Variants in ADGRE1 observed in about 807,000 individuals in gnomAD.
The protein encoded by ADGRE1 is EGF-like module receptor 1.
In ADGRE1, 82 loss-of-function variants were observed where a neutral mutation model predicts 102.7. The observed-to-expected ratio is 0.80, with a 90% CI of 0.67 to 0.96. The LOEUF (loss-of-function observed/expected upper bound fraction) is 0.96. Among genes scored for constraint, ADGRE1 ranks in the 40% least tolerant of loss-of-function variants. ADGRE1 has a pLI of 0.00. For synonymous variants in ADGRE1, 398 were observed against 399.6 expected (o/e 1.00, Z 0.05); for missense variants, 1,032 against 1,085.3 (o/e 0.95, Z 0.69).
intron 17 of ADGRE1, among the ~76,000 whole-genome samples, chr19:6,930,855 T>G (rs1471637397): frequency 6.6e-6 from 1 of 152,054 alleles, no homozygotes; most frequent in Non-Finnish European, 1.5e-5. Context: ...TCCAGGCTGG[T>G]CTCGAATTCA....
intron 2 of ADGRE1, among the ~76,000 whole-genome samples, chr19:6,892,117 G>A (rs1363880838): frequency 2.6e-5 from 4 of 152,108 alleles, no homozygotes; most frequent in Non-Finnish European, 5.9e-5. Context: ...GACCACAAGT[G>A]ATAAAATGCC....
At chr19:6,939,087 C>A (rs112682145) in intron 20 of ADGRE1, among the ~76,000 whole-genome samples, 2,006 of 152,128 alleles carry the variant, frequency 0.013, 55 homozygotes, top group African/African-American at 0.045. Flanking sequence ...TGAGCCACCA[C>A]GCCCAGCTGG....
At chr19:6,932,548 T>C (rs1052409597) in intron 17 of ADGRE1, among the ~76,000 whole-genome samples, 1 of 152,184 alleles carries the variant, frequency 6.6e-6, no homozygotes, top group Admixed American at 6.5e-5. Flanking sequence ...TGGTGTTTTG[T>C]AGCGAGAGGG....
At chr19:6,900,254 C>G (rs906435042) in intron 5 of ADGRE1, among the ~76,000 whole-genome samples, 1 of 150,742 alleles carries the variant, frequency 6.6e-6, no homozygotes, top group Non-Finnish European at 1.5e-5. Flanking sequence ...ATGGGAGAAT[C>G]GCTTAAGACC....
At chr19:6,914,178 G>A (rs942304445) in intron 11 of ADGRE1, among the ~76,000 whole-genome samples, 5 of 152,242 alleles carry the variant, frequency 3.3e-5, no homozygotes, top group Admixed American at 1.3e-4. Flanking sequence ...CTACTGTGTG[G>A]TTAGGTGGGA....
At chr19:6,899,330 G>T (rs945715040) in intron 5 of ADGRE1, among the ~76,000 whole-genome samples, 1 of 152,046 alleles carries the variant, frequency 6.6e-6, no homozygotes, top group East Asian at 1.9e-4. Context: ...GCACCGAAAG[G>T]CCCCCACAAC....
intron 1 of ADGRE1, among the ~76,000 whole-genome samples, chr19:6,889,687 C>CAAAAAAAAAAAAA (rs1178774112): frequency 7.2e-5 from 3 of 41,772 alleles, no homozygotes; most frequent in Admixed American, 2.9e-4. Context: ...GACTCCATCT[C>CAAAAAAAAAAAAA]AAAAAAAAAA....
chr19:6,929,349 A>G (rs1328997823), intron 17 of ADGRE1, among the ~76,000 whole-genome samples: 1 of 152,172 alleles, frequency 6.6e-6, no homozygotes, highest in Non-Finnish European at 1.5e-5. Context: ...TCTGATTTAC[A>G]TAGGGCCCAA....
rs780684529 is a variant in ADGRE1 at position 6,904,007 on chromosome 19, G to C, written c.803-29G>C. On this transcript the variant is annotated intron_variant, in intron 7 of 20. Transcript: ENST00000312053. ...AAGACATTTCTCTTTGCTCTTCTGG[G>C]TTTCTTGATATTCTCCAGTTCTTTG... 35 of 1,614,030 alleles carry C rather than the reference G, an allele frequency of 2.2e-5. No homozygotes were observed. The East Asian group carries it at 7.6e-4, about 35-fold the overall frequency.
At chr19:6,925,682 T>TTTTCTTC (rs1974870334) in intron 15 of ADGRE1, among the ~76,000 whole-genome samples, 1 of 151,970 alleles carries the variant, frequency 6.6e-6, no homozygotes, top group African/African-American at 2.4e-5. Context: ...TTTATTTTTC[T>TTTTCTTC]TTTCTTTTTT....
In ADGRE1 at chr19:6,926,453, T is replaced by C. The variant is rs747194996; in HGVS notation, c.2074T>C (p.Leu692=). 3.1e-6 allele frequency: 5 copies of C among 1,614,240 alleles called. No homozygotes were observed. Among genetic ancestry groups the C allele is most frequent in the East Asian group, 2.2e-5 (1 of 44,894 alleles). ...GCTGGTGGAGGCTGTGATACTGTTC[T>C]TGATGGTCAGAAACCTGAAGGTGGT... ...WMLVEAVILF[L]MVRNLKVVNY... is the part of the protein sequence containing the mutation. The change falls in exon 16 of 21, where the codon TTG becomes CTG. Residue 692 remains leucine, a synonymous_variant. Transcript: ENST00000312053.
chr19:6,901,567 G>T (rs116492769), intron 5 of ADGRE1, among the ~76,000 whole-genome samples: 1 of 152,182 alleles, frequency 6.6e-6, no homozygotes, highest in African/African-American at 2.4e-5. Context: ...ATCTTGGGGT[G>T]TAAATACAGA....
At chr19:6,912,423 A>G (rs1355334305) in intron 10 of ADGRE1, among the ~76,000 whole-genome samples, 3 of 152,234 alleles carry the variant, frequency 2.0e-5, no homozygotes, top group Admixed American at 1.3e-4. Flanking sequence ...AATAGCCTCT[A>G]CTTCATAGAT....
At position 6,904,879 on chromosome 19, in the gene ADGRE1, C is replaced by T. The variant is rs544867918; in HGVS notation, c.949+697C>T. On this transcript the variant is annotated intron_variant, in intron 8 of 20. Coordinates refer to ENST00000312053, the MANE Select transcript of ADGRE1 (RefSeq NM_001974.5). ...AAGCAAACAACATTTAAGCAGAAACCTGAAGGAGGAGAAGGACTTCTCTAG... is the reference window on the plus strand; with the variant it reads ...AAGCAAACAACATTTAAGCAGAAACTTGAAGGAGGAGAAGGACTTCTCTAG... Among the ~76,000 whole-genome samples, 3 of 152,214 alleles carry T rather than the reference C, an allele frequency of 2.0e-5. No individual in the cohort carries two copies. In the South Asian group the frequency reaches 6.2e-4, roughly 32 times the overall value.
At position 6,935,097 on chromosome 19, in the gene ADGRE1, TCCC is replaced by T; in HGVS notation, c.2381+24_2381+26del. The T allele has an allele frequency of 6.8e-7, 1 of 1,476,354 alleles. No homozygotes were observed. The highest frequency in any genetic ancestry group is 1.2e-5 in the South Asian group (1 of 81,666). 91.5% of individuals were successfully genotyped at this position (1,476,354 alleles called of 1,614,324 possible). ...ACACCAGGTAAAGCCCTCTTTCACC[TCCC>T]CCCCTCTTTTAATTTCCTCTTTCTT... On this transcript the variant is annotated intron_variant, in intron 18 of 20. Transcript: ENST00000312053.
At chr19:6,911,385 GTTTTT>G (rs772959056) in intron 10 of ADGRE1, among the ~76,000 whole-genome samples, 15 of 79,852 alleles carry the variant, frequency 1.9e-4, no homozygotes, top group South Asian at 5.6e-4. Context: ...ATTCCTTTTA[GTTTTT>G]TTTTTTTTTT....
At position 6,909,709 on chromosome 19, in the gene ADGRE1, G is replaced by GT. The variant is rs549520717; in HGVS notation, c.1122+945dup. Among the ~76,000 whole-genome samples, 46 of 151,702 alleles carry GT rather than the reference G, an allele frequency of 3.0e-4. No individual in the cohort carries two copies. The South Asian group carries it at 5.5e-3, about 18-fold the overall frequency. On this transcript the variant is annotated intron_variant, in intron 10 of 20. Transcript: ENST00000312053. ...TTCAGGGGGACAGAATTGGTTGGTG[G>GT]TTTTTTTTGTTTGTTTGTTTTGTTT...
intron 16 of ADGRE1, among the ~76,000 whole-genome samples, chr19:6,927,100 A>C (rs73488627): frequency 0.029 from 4,472 of 152,142 alleles, 206 homozygotes; most frequent in African/African-American, 0.095. Flanking sequence ...GTTATTGAAC[A>C]TGACGGAATG....
At chr19:6,931,340 C>T (rs1046706196) in intron 17 of ADGRE1, among the ~76,000 whole-genome samples, 4 of 151,946 alleles carry the variant, frequency 2.6e-5, no homozygotes, top group South Asian at 2.1e-4. Flanking sequence ...CAGGGGTCAC[C>T]GTAATAAGCT....
Sources: gnomAD v4.1 joint callset for allele counts (sites outside exome capture counted in the v4.1 genomes callset) on GRCh38, gnomAD v4.1.1 for gene constraint, MANE v1.5 for transcripts, NCBI Gene and HGNC (gene_info 2026-07-23, HGNC 2026-07-21) for gene names.